Variants in C19orf12 observed in about 807,000 individuals in gnomAD.
C19orf12 encodes protein C19orf12.
In C19orf12, 2 loss-of-function variants were observed where a neutral mutation model predicts 3.8. The ratio of observed to expected loss-of-function variants is 0.53; its 90% CI spans 0.22 to 1.66. The LOEUF (loss-of-function observed/expected upper bound fraction) is 1.66. C19orf12 is among the 40% of genes most tolerant of loss of function. The pLI is 0.20. For missense variants in C19orf12, 156 were observed against 188.8 expected, an observed-to-expected ratio of 0.83 and a Z score of 1.02; for synonymous variants, 89 against 84.6, an observed-to-expected ratio of 1.05 and a Z score of -0.28.
In C19orf12 at chr19:29,701,150, G is replaced by C; in HGVS notation, c.*1562C>G. On this transcript the variant is annotated 3_prime_UTR_variant, in exon 3 of 3. Transcript: ENST00000323670. ...ATTAGAGATATTTTACACATAATAT[G>C]TGGGAAAATGGCTTTTTAGAAAAAC... The C allele has an allele frequency of 2.2e-6, 1 of 454,154 alleles. No individual in the cohort carries two copies. The highest frequency in any genetic ancestry group is 4.4e-6 in the Non-Finnish European group (1 of 226,800). 28.1% of individuals were successfully genotyped at this position (454,154 alleles called of 1,614,324 possible). A position where few individuals can be genotyped will look rare whatever the true frequency, so the allele number is the denominator to read the frequency against.
In C19orf12 at chr19:29,708,270, T is replaced by A; in HGVS notation, c.144A>T (p.Pro48=). Reference sequence around the variant, plus strand: ...TGCACTTACCAACGGCGAGTCCCGGTGGGCCGCCCACCAAACCCCCGACGA... The same window carrying A: ...TGCACTTACCAACGGCGAGTCCCGGAGGGCCGCCCACCAAACCCCCGACGA... ...MAFVGGLVGG[P]PGLAVGGAVG... is the part of the protein sequence containing the mutation. Residue 48 remains proline (P), a synonymous_variant, in exon 2 of 3, where the codon CCA becomes CCT. Coordinates refer to ENST00000323670, the MANE Select transcript of C19orf12 (RefSeq NM_031448.6). 1 of 1,612,318 alleles carries A rather than the reference T, an allele frequency of 6.2e-7. No homozygotes were observed. The highest frequency in any genetic ancestry group is 8.5e-7 in the Non-Finnish European group (1 of 1,179,968).
At chr19:29,698,906 T>C (rs950382849), downstream of C19orf12, 4 of 379,328 alleles carry the variant, frequency 1.1e-5, no homozygotes, top group Non-Finnish European at 2.1e-5. Context: ...TCCAGCAATT[T>C]CACTTTGAGG....
chr19:29,708,895 T>G (rs1972520076), intron 1 of C19orf12, among the ~76,000 whole-genome samples: 1 of 152,158 alleles, frequency 6.6e-6, no homozygotes, highest in South Asian at 2.1e-4. Context: ...ACACGGGCAC[T>G]GACCTGCAGT....
chr19:29,709,060 C>G (rs1013180539), intron 1 of C19orf12, among the ~76,000 whole-genome samples: 1 of 152,228 alleles, frequency 6.6e-6, no homozygotes, highest in African/African-American at 2.4e-5. Context: ...TGAACGAACA[C>G]TGTTACTAAC....
chr19:29,703,986 T>A (rs969304904), intron 2 of C19orf12, among the ~76,000 whole-genome samples: 1 of 151,584 alleles, frequency 6.6e-6, no homozygotes, highest in African/African-American at 2.4e-5. Context: ...CAAGACTCTG[T>A]CTCCAAAAAA....
In C19orf12 at chr19:29,699,465, A is replaced by T. The variant is rs1013433196; in HGVS notation, c.*3247T>A. ...GCTACTGCACTCCAGCCCGGGCGACAGTGCGAGACTCCATCTCAAAAAAAA... is the reference window on the plus strand; with the variant it reads ...GCTACTGCACTCCAGCCCGGGCGACTGTGCGAGACTCCATCTCAAAAAAAA... On this transcript the variant is annotated 3_prime_UTR_variant, in exon 3 of 3. Transcript: ENST00000323670. 4.8e-6 allele frequency: 2 copies of T among 413,992 alleles called. No homozygotes were observed. Among genetic ancestry groups the T allele is most frequent in the East Asian group, 7.1e-5 (1 of 14,030 alleles). The allele number at this position is 413,992 out of a possible 1,614,324, so 25.6% of individuals were successfully genotyped here.
upstream of C19orf12, chr19:29,715,592 A>T (rs892208336): frequency 4.7e-6 from 1 of 212,756 alleles, no homozygotes; most frequent in Non-Finnish European, 1.0e-5. Flanking sequence ...GACCTCCCGG[A>T]GACCTCCCTC....
At chr19:29,708,470 A>G (rs1972498219) in intron 1 of C19orf12, 47 bp from the exon 2 acceptor site, 1 of 1,604,332 alleles carries the variant, frequency 6.2e-7, no homozygotes, top group Admixed American at 1.7e-5. Flanking sequence ...GCATAAGAGT[A>G]TTTCCATCAC....
In C19orf12 at chr19:29,700,301, A is replaced by G. The variant is rs192046897; in HGVS notation, c.*2411T>C. 1 of 454,166 alleles carries G rather than the reference A, an allele frequency of 2.2e-6. No homozygotes were observed. Among genetic ancestry groups the G allele is most frequent in the East Asian group, 6.9e-5 (1 of 14,390 alleles). 28.1% of individuals were successfully genotyped at this position (454,166 alleles called of 1,614,324 possible). ...AGGATTTGCTGTAAGCAACCGGAGA[A>G]GTTGGCATTTGTTCAACATGGAAAA... On this transcript the variant is annotated 3_prime_UTR_variant, in exon 3 of 3. Transcript: ENST00000323670.
chr19:29,714,370 T>A lies in C19orf12; in HGVS notation c.-11+755A>T, dbSNP rs572580788. On this transcript the variant is annotated intron_variant, in intron 1 of 2. Coordinates refer to ENST00000323670, the MANE Select transcript of C19orf12 (RefSeq NM_031448.6). Reference sequence around the variant, plus strand: ...ATTAGCCAGGCTTGGTGGTGTCGCCTGTAATCCCAGCTACTAGGGAGGCTG... The same window carrying A: ...ATTAGCCAGGCTTGGTGGTGTCGCCAGTAATCCCAGCTACTAGGGAGGCTG... Among the ~76,000 whole-genome samples, 9 of 152,136 alleles carry A rather than the reference T, an allele frequency of 5.9e-5. No homozygotes were observed. The South Asian group carries it at 1.9e-3, about 32-fold the overall frequency.
intron 2 of C19orf12, 59 bp downstream of exon 2, chr19:29,708,195 C>T: frequency 6.3e-7 from 1 of 1,598,724 alleles, no homozygotes; most frequent in Non-Finnish European, 8.5e-7. Flanking sequence ...CCCTGTGTTT[C>T]AACGGCCCTT....
intron 2 of C19orf12, among the ~76,000 whole-genome samples, chr19:29,706,436 G>GA (rs1183108317): frequency 6.6e-6 from 1 of 152,210 alleles, no homozygotes; most frequent in Non-Finnish European, 1.5e-5. Context: ...TGGAAGTAGT[G>GA]AATCCCCCGG....
rs1250915394 is a variant in C19orf12, at chr19:29,706,962, T to C, written c.160+1292A>G. Among the ~76,000 whole-genome samples the C allele has an allele frequency of 2.6e-5, 4 of 152,218 alleles. No individual in the cohort carries two copies. In the East Asian group the frequency reaches 7.7e-4, roughly 29 times the overall value. ...AGGCTCAGGACACAGGAATTCTTCC[T>C]TCCCCAAGCCAAAGAAAGTAACTTC... On this transcript the variant is annotated intron_variant, in intron 2 of 2. Transcript: ENST00000323670.
Position 29,708,290 on chromosome 19 carries a change from C to A in C19orf12, c.124G>T (p.Gly42Trp). 6.2e-7 allele frequency: 1 copy of A among 1,613,440 alleles called. No homozygotes were observed. Among genetic ancestry groups the A allele is most frequent in the Middle Eastern group, 1.7e-4 (1 of 6,056 alleles). The change falls in exon 2 of 3, where the codon GGG becomes TGG. Residue 42 changes from glycine to tryptophan, a missense_variant. Coordinates refer to ENST00000323670, the MANE Select transcript of C19orf12 (RefSeq NM_031448.6). ...CCCGGTGGGCCGCCCACCAAACCCCCGACGAAGGCCATGGCCCCTGTGACC... is the reference window on the plus strand; with the variant it reads ...CCCGGTGGGCCGCCCACCAAACCCCAGACGAAGGCCATGGCCCCTGTGACC... ...ALVTGAMAFV[G>W]GLVGGPPGLA...
intron 2 of C19orf12, among the ~76,000 whole-genome samples, chr19:29,704,781 C>T (rs1193834099): frequency 1.3e-5 from 2 of 152,068 alleles, no homozygotes; most frequent in African/African-American, 4.8e-5. Context: ...GGATGGGTGG[C>T]AGGCTCTGAC....
intron 2 of C19orf12, among the ~76,000 whole-genome samples, chr19:29,708,042 C>A (rs1461871148): frequency 6.6e-6 from 1 of 151,964 alleles, no homozygotes; most frequent in Non-Finnish European, 1.5e-5. Context: ...CCACGCCCAG[C>A]TATTTTTTGT....
chr19:29,706,085 G>T (rs1362244118), intron 2 of C19orf12, among the ~76,000 whole-genome samples: 1 of 152,186 alleles, frequency 6.6e-6, no homozygotes, highest in Non-Finnish European at 1.5e-5. Flanking sequence ...ACACCACCCC[G>T]GGTACTGAGC....
chr19:29,711,109 G>A (rs1403656350), intron 1 of C19orf12, among the ~76,000 whole-genome samples: 5 of 132,498 alleles, frequency 3.8e-5, no homozygotes, highest in South Asian at 4.9e-4. Flanking sequence ...GCGCGATCTC[G>A]GCTCACTGCA....
rs746454120 is a variant in C19orf12 at position 29,702,575 on chromosome 19, C to T, written c.*137G>A. On this transcript the variant is annotated 3_prime_UTR_variant, in exon 3 of 3. Coordinates refer to ENST00000323670, the MANE Select transcript of C19orf12 (RefSeq NM_031448.6). ...CACTGCACAGCGGTGGCCTCTCCAGCGGGACATTACTAGTAATACACTGAT... is the reference window on the plus strand; with the variant it reads ...CACTGCACAGCGGTGGCCTCTCCAGTGGGACATTACTAGTAATACACTGAT... The T allele has an allele frequency of 7.5e-6, 9 of 1,199,336 alleles. No homozygotes were observed. The highest frequency in any genetic ancestry group is 3.7e-5 in the South Asian group (3 of 80,858). 74.3% of individuals were successfully genotyped at this position (1,199,336 alleles called of 1,614,324 possible).
Sources: allele counts gnomAD v4.1 joint callset (sites outside exome capture counted in the v4.1 genomes callset), GRCh38; gene constraint gnomAD v4.1.1; transcripts MANE v1.5; gene names NCBI Gene and HGNC (gene_info 2026-07-23, HGNC 2026-07-21).